FAM53A: variants seen among roughly 807,000 people sequenced by gnomAD.
FAM53A encodes family with sequence similarity 53 member A, also known as protein FAM53A.
In FAM53A, 28 loss-of-function variants were observed where a neutral mutation model predicts 26.6. The ratio of observed to expected loss-of-function variants is 1.05; its 90% confidence interval spans 0.78 to 1.45. The LOEUF is 1.45. Ranked by LOEUF, FAM53A falls within the 40% of genes most tolerant of loss-of-function variation. The pLI is 0.00. For synonymous variants in FAM53A, 290 were observed against 253.1 expected, an observed-to-expected ratio of 1.15 and a Z score of -1.38; for missense variants, 650 against 575.8, an observed-to-expected ratio of 1.13 and a Z score of -1.32.
At position 1,630,484 on chromosome 4, in the gene FAM53A, C is replaced by T. The variant is rs1032507923; in HGVS notation, c.432-12373G>A. 2.6e-5 allele frequency among the ~76,000 whole-genome samples: 4 copies of T among 152,222 alleles called. No individual in the cohort carries two copies. The highest frequency in any genetic ancestry group is 4.8e-5 in the African/African-American group (2 of 41,460). On this transcript the variant is annotated intron_variant, in intron 1 of 1. Coordinates refer to the FAM53A transcript ENST00000489029. The surrounding 1 kb of genome is among the most constrained non-coding windows in gnomAD (Gnocchi z 4.3). ...TTGCCGACCCCCAACTCATGGATCA[C>T]GTGTCACGAATCGTGTATGGGGACA...
intron 1 of FAM53A, among the ~76,000 whole-genome samples, chr4:1,627,454 A>G (rs1109832): frequency 6.6e-6 from 1 of 151,910 alleles, no homozygotes; most frequent in African/African-American, 2.4e-5. Context: ...TACGCTGGAG[A>G]CTCAGATGGA....
At position 1,644,260 on chromosome 4, in the gene FAM53A, T is replaced by C. The variant is rs779169288; in HGVS notation, c.883-2653A>G. The C allele has an allele frequency of 2.2e-5, 34 of 1,535,882 alleles. No homozygotes were observed. The South Asian group carries it at 3.9e-4, about 18-fold the overall frequency. The stretch of plus-strand genomic sequence containing the variant: ...TTCATTCAGAGTCGACCCTCTGGAC[T>C]GACTGCTCGGACCCGACAGATGCTG... On this transcript the variant is annotated intron_variant, in intron 4 of 4. Transcript: ENST00000308132.
At chr4:1,631,053 T>C (rs1715590847) in intron 1 of FAM53A, among the ~76,000 whole-genome samples, 2 of 152,132 alleles carry the variant, frequency 1.3e-5, no homozygotes, top group East Asian at 3.8e-4. Context: ...AAAAATAATA[T>C]AATAATAAAT....
chr4:1,675,200 G>C (rs951438428), intron 1 of FAM53A, among the ~76,000 whole-genome samples: 1 of 152,190 alleles, frequency 6.6e-6, no homozygotes, highest in Admixed American at 6.5e-5. Context: ...AGAGACGTGG[G>C]AAGTGAGAGA....
chr4:1,667,341 A>G (rs1714311905), intron 2 of FAM53A, among the ~76,000 whole-genome samples: 1 of 152,050 alleles, frequency 6.6e-6, no homozygotes, highest in Admixed American at 6.5e-5. Context: ...CAGCATCTGG[A>G]AAGAACATGG....
At chr4:1,613,256 T>C (rs1305717929), downstream of FAM53A, among the ~76,000 whole-genome samples, 1 of 152,254 alleles carries the variant, frequency 6.6e-6, no homozygotes, top group African/African-American at 2.4e-5. Flanking sequence ...AAGCCCAAGG[T>C]AGGGGCGCCG....
chr4:1,620,107 A>T (rs1022398118), intron 1 of FAM53A, among the ~76,000 whole-genome samples: 3 of 151,918 alleles, frequency 2.0e-5, no homozygotes, highest in Non-Finnish European at 4.4e-5. Context: ...CTGGGGAGGC[A>T]GAGGCAGGAG....
the FAM53A span, among the ~76,000 whole-genome samples, chr4:1,602,543 C>A: frequency 6.6e-6 from 1 of 152,138 alleles, no homozygotes; most frequent in East Asian, 1.9e-4. Context: ...GCAGCGGCCT[C>A]GAAAATTGCT....
the FAM53A span, among the ~76,000 whole-genome samples, chr4:1,590,429 C>T: frequency 6.6e-6 from 1 of 152,078 alleles, no homozygotes; most frequent in Admixed American, 6.6e-5. Flanking sequence ...GGAATTCAAA[C>T]CACAGAAGGC....
At chr4:1,608,643 T>G in the FAM53A span, among the ~76,000 whole-genome samples, 40,495 of 151,878 alleles carry the variant, frequency 0.27, 9,656 homozygotes, top group African/African-American at 0.63. Flanking sequence ...CTGCAGCCGC[T>G]ACACACACAC....
chr4:1,617,351 T>C (rs546725252), downstream of FAM53A, among the ~76,000 whole-genome samples: 1 of 152,258 alleles, frequency 6.6e-6, no homozygotes, highest in African/African-American at 2.4e-5. Context: ...TTAGTTGCTG[T>C]TCTAGGTTAT....
At position 1,641,311 on chromosome 4, in the gene FAM53A, C is replaced by T. The variant is rs200406395; in HGVS notation, c.1179G>A (p.Glu393=). Residue 393 remains glutamate (E), a synonymous_variant, in exon 5 of 5, where the codon GAG becomes GAA. Transcript: ENST00000308132. ...FPRARWELDL[E]QIENN is the part of the protein sequence containing the mutation. ...ACCAGCCTCAGTTGTTCTCGATCTG[C>T]TCCAGGTCCAGCTCCCAGCGGGCCC... The T allele has an allele frequency of 6.8e-5, 110 of 1,612,914 alleles. No individual in the cohort carries two copies. In the East Asian group the frequency reaches 2.4e-3, roughly 35 times the overall value.
the FAM53A span, among the ~76,000 whole-genome samples, chr4:1,574,917 C>T: frequency 1.3e-5 from 2 of 152,270 alleles, no homozygotes; most frequent in Non-Finnish European, 2.9e-5. Flanking sequence ...CTGCCTCCCT[C>T]GGTGTCAACA....
At chr4:1,680,330 A>AC (rs983339062) in intron 1 of FAM53A, among the ~76,000 whole-genome samples, 1 of 114,334 alleles carries the variant, frequency 8.7e-6, no homozygotes, top group African/African-American at 2.8e-5. Flanking sequence ...AAAAAAAAAA[A>AC]AAAAAAAAAA....
chr4:1,604,422 C>T, the FAM53A span, among the ~76,000 whole-genome samples: 1 of 152,090 alleles, frequency 6.6e-6, no homozygotes, highest in Non-Finnish European at 1.5e-5. Flanking sequence ...TGGACAGGAA[C>T]GTGGAGGGTC....
chr4:1,637,032 C>T (rs892718081), downstream of FAM53A, among the ~76,000 whole-genome samples: 5 of 152,218 alleles, frequency 3.3e-5, no homozygotes, highest in African/African-American at 4.8e-5. Flanking sequence ...TCCCGCTGCA[C>T]CAGAGCACGG....
chr4:1,673,911 G>A (rs1326531960), intron 1 of FAM53A, among the ~76,000 whole-genome samples: 2 of 152,258 alleles, frequency 1.3e-5, no homozygotes, highest in African/African-American at 2.4e-5. Context: ...CCCAGGAGAC[G>A]ACGGGGATTG....
chr4:1,604,199 G>C, the FAM53A span, among the ~76,000 whole-genome samples: 7 of 152,252 alleles, frequency 4.6e-5, no homozygotes, highest in Non-Finnish European at 1.0e-4. Context: ...GATGGTCCCA[G>C]GCTGTGTGGA....
intron 4 of FAM53A, among the ~76,000 whole-genome samples, chr4:1,648,486 C>T (rs1473838968): frequency 4.6e-5 from 7 of 152,116 alleles, no homozygotes; most frequent in South Asian, 2.1e-4. Context: ...CCTCTGCAGC[C>T]GCGGTCAGGA....
Sources: gnomAD v4.1 joint callset for allele counts (sites outside exome capture counted in the v4.1 genomes callset) on GRCh38, gnomAD v4.1.1 for gene constraint, Gnocchi (gnomAD v3.1) non-coding constraint, MANE v1.5 for transcripts, NCBI Gene and HGNC (gene_info 2026-07-23, HGNC 2026-07-21) for gene names.